FMN1: variants seen among roughly 807,000 people sequenced by gnomAD.
The protein encoded by FMN1 is formin-1.
FMN1 carries 110 observed loss-of-function variants against 132.4 expected under a neutral mutation model. The observed-to-expected ratio is 0.83, with a 90% CI of 0.71 to 0.97. The LOEUF (loss-of-function observed/expected upper bound fraction) is 0.97, where lower values mean the gene tolerates loss of function less well. FMN1 is among the 50% of genes least tolerant of loss of function. The probability of loss-of-function intolerance (pLI) is 0.00; values close to 1 mark genes in which losing one functional copy is unlikely to be tolerated. For synonymous variants in FMN1, 722 were observed against 651.7 expected, an observed-to-expected ratio of 1.11 and a Z score of -1.64; for missense variants, 1,792 against 1,705.3, an observed-to-expected ratio of 1.05 and a Z score of -0.90.
chr15:32,833,760 C>T (rs1567240289), intron 17 of FMN1, among the ~76,000 whole-genome samples: 1 of 152,076 alleles, frequency 6.6e-6, no homozygotes. Flanking sequence ...GAACCAGCTG[C>T]TTTTTTCCCC....
intron 19 of FMN1, among the ~76,000 whole-genome samples, chr15:32,789,438 A>G (rs771278752): frequency 6.6e-6 from 1 of 152,168 alleles, no homozygotes; most frequent in Non-Finnish European, 1.5e-5. Context: ...CATTATGTAA[A>G]TATTATAGTA....
chr15:33,044,536 CCT>C (rs372606305), intron 6 of FMN1, among the ~76,000 whole-genome samples: 9 of 152,300 alleles, frequency 5.9e-5, no homozygotes, highest in African/African-American at 2.2e-4. Flanking sequence ...CAAAGGGTCT[CCT>C]CTCTGTGAGA....
chr15:32,926,970 G>A (rs984322996), intron 9 of FMN1, among the ~76,000 whole-genome samples: 1 of 151,958 alleles, frequency 6.6e-6, no homozygotes, highest in African/African-American at 2.4e-5. Context: ...TTTTTTTATA[G>A]AGACAAGGTC....
intron 6 of FMN1, among the ~76,000 whole-genome samples, chr15:33,023,264 TA>T (rs5811722): frequency 0.4 from 59,181 of 148,566 alleles, 12,018 homozygotes; most frequent in Admixed American, 0.49. Flanking sequence ...GGGGGAAACT[TA>T]AAAAAAAAAT....
intron 16 of FMN1, among the ~76,000 whole-genome samples, chr15:32,867,310 C>A (rs12917529): frequency 0.46 from 70,193 of 152,060 alleles, 16,619 homozygotes; most frequent in Non-Finnish European, 0.52. Flanking sequence ...GCAAGGCCCT[C>A]CATGCGCTAC....
In FMN1 at chr15:32,910,554, GAA is replaced by G. The variant is rs750057155; in HGVS notation, c.3227-21_3227-20del. The G allele has an allele frequency of 7.1e-6, 11 of 1,554,206 alleles. No homozygotes were observed. Among genetic ancestry groups the G allele is most frequent in the Non-Finnish European group, 7.8e-6 (9 of 1,146,650 alleles). On this transcript the variant is annotated intron_variant, in intron 10 of 20. Transcript: ENST00000616417. The stretch of plus-strand genomic sequence containing the variant: ...AAAATGGCTGCCAAGCACCCAAAAA[GAA>G]AAGAGGATAAGGGATTTGATTAGGT...
intron 6 of FMN1, among the ~76,000 whole-genome samples, chr15:33,039,288 G>A (rs568811659): frequency 1.3e-5 from 2 of 152,118 alleles, no homozygotes; most frequent in Non-Finnish European, 2.9e-5. Context: ...ATTTACCAAG[G>A]TTGACAGGTA....
chr15:33,067,985 A>C, intron 5 of FMN1: 11 of 1,480,270 alleles, frequency 7.4e-6, no homozygotes, highest in Non-Finnish European at 8.9e-6. Context: ...GACAGAGAGC[A>C]ACAGGACCCG....
chr15:33,088,728 T>A (rs1032817517), intron 5 of FMN1, 71 bp downstream of exon 5: 4 of 1,306,868 alleles, frequency 3.1e-6, no homozygotes, highest in African/African-American at 1.5e-5. Flanking sequence ...ACAATTTACA[T>A]TAAATACATA....
chr15:33,177,460 CT>C (rs1271318349), intron 3 of FMN1, among the ~76,000 whole-genome samples: 1 of 152,210 alleles, frequency 6.6e-6, no homozygotes, highest in Non-Finnish European at 1.5e-5. Context: ...TAACAGTACT[CT>C]TGTGCAAGTC....
At chr15:32,950,905 A>C (rs1373061741) in intron 9 of FMN1, among the ~76,000 whole-genome samples, 1 of 152,050 alleles carries the variant, frequency 6.6e-6, no homozygotes, top group East Asian at 1.9e-4. Flanking sequence ...TCCTAACTTA[A>C]TTTCATTTTG....
chr15:32,810,541 GAA>G (rs2057838756), intron 17 of FMN1, among the ~76,000 whole-genome samples: 1 of 152,058 alleles, frequency 6.6e-6, no homozygotes, highest in Non-Finnish European at 1.5e-5. Context: ...AGTTAACTTT[GAA>G]AAAGAGAAAG....
intron 17 of FMN1, among the ~76,000 whole-genome samples, chr15:32,808,806 C>CA (rs1304392995): frequency 2.0e-5 from 3 of 152,012 alleles, no homozygotes; most frequent in Non-Finnish European, 4.4e-5. Context: ...ATGGTTATCA[C>CA]AAAATTGCAC....
intron 19 of FMN1, among the ~76,000 whole-genome samples, chr15:32,779,943 C>T (rs1040232639): frequency 1.3e-5 from 2 of 152,156 alleles, no homozygotes; most frequent in African/African-American, 4.8e-5. Context: ...AAGAATCCTG[C>T]AGTGATACAG....
intron 4 of FMN1, among the ~76,000 whole-genome samples, chr15:33,090,361 A>G (rs1035729193): frequency 6.6e-6 from 1 of 152,218 alleles, no homozygotes; most frequent in African/African-American, 2.4e-5. Context: ...GCATGCTTAT[A>G]TTAGAGTAGC....
chr15:32,962,820 A>G lies in FMN1; in HGVS notation c.3138+1287T>C, dbSNP rs1211893465. ...ACCATCTCAAACCAGTTAGAATGGC[A>G]ATCATTAAAAAGTCAGGAAACAACA... On this transcript the variant is annotated intron_variant, in intron 9 of 20. Coordinates refer to ENST00000616417, the MANE Select transcript of FMN1 (RefSeq NM_001277313.2). 8.5e-3 allele frequency among the ~76,000 whole-genome samples: 1,294 copies of G among 151,798 alleles called. 13 individuals are homozygous for G. The highest frequency in any genetic ancestry group is 0.029 in the African/African-American group (1,212 of 41,170).
intron 6 of FMN1, among the ~76,000 whole-genome samples, chr15:33,009,068 G>A (rs2034568425): frequency 6.6e-6 from 1 of 152,192 alleles, no homozygotes; most frequent in Admixed American, 6.5e-5. Context: ...GAAAAGTAGT[G>A]TTGCTGCTGA....
intron 6 of FMN1, among the ~76,000 whole-genome samples, chr15:33,059,381 A>G (rs558275990): frequency 6.8e-4 from 103 of 152,276 alleles, no homozygotes; most frequent in Non-Finnish European, 1.2e-3. Flanking sequence ...TCTTTTACAT[A>G]TTGGTTTCAG....
Position 32,798,856 on chromosome 15 carries a change from T to C in FMN1, c.4078A>G (p.Ser1360Gly), listed in dbSNP as rs776399797. ...YVFMVWYEFC[S>G]DFKTIWKRES... ...CGTTTCCAAATTGTCTTGAAGTCACTGCAGAACTCATACCACACCATAAAC... is the reference window on the plus strand; with the variant it reads ...CGTTTCCAAATTGTCTTGAAGTCACCGCAGAACTCATACCACACCATAAAC... The change falls in exon 19 of 21, where the codon AGT becomes GGT. Residue 1360 changes from serine (S) to glycine (G), a missense_variant. Physicochemically the swap from Ser to Gly is moderately conservative, Grantham distance 56. This residue lies in a region of FMN1 where 1,150 missense variants were observed against 1,043.1 expected (regional missense o/e 1.10). Transcript: ENST00000616417. The C allele has an allele frequency of 1.2e-6, 2 of 1,613,830 alleles. No individual in the cohort carries two copies. The highest frequency in any genetic ancestry group is 1.7e-5 in the Admixed American group (1 of 60,004).
Sources: allele counts gnomAD v4.1 joint callset (sites outside exome capture counted in the v4.1 genomes callset), GRCh38; gene constraint gnomAD v4.1.1; regional missense constraint gnomAD v4.1.1; transcripts MANE v1.5; gene names NCBI Gene and HGNC (gene_info 2026-07-23, HGNC 2026-07-21).